Variants in RAB2A observed in about 807,000 individuals in gnomAD.
RAB2A encodes ras-related protein Rab-2A.
In RAB2A, 7 loss-of-function variants were observed where a neutral mutation model predicts 32.5. The ratio of observed to expected loss-of-function variants is 0.22; its 90% CI spans 0.12 to 0.40. The LOEUF is 0.40. Among genes scored for constraint, RAB2A ranks in the 10% least tolerant of loss-of-function variants. The probability of loss-of-function intolerance (pLI) is 1.00; values close to 1 mark genes in which losing one functional copy is unlikely to be tolerated. For missense variants in RAB2A, 108 were observed against 260.7 expected (o/e 0.41, Z 4.03); for synonymous variants, 79 against 85.2 (o/e 0.93, Z 0.40).
Position 60,600,066 on chromosome 8 carries a change from T to TAAA in RAB2A, c.474+8109_474+8111dup, listed in dbSNP as rs36105307. ...AGTGTTGAGTAATTTTACTCGGTAG[T>TAAA]AAAAAAAAAAAAAACAATGCAATTA... On this transcript the variant is annotated intron_variant, in intron 6 of 7. Coordinates refer to ENST00000262646, the MANE Select transcript of RAB2A (RefSeq NM_002865.3). Among the ~76,000 whole-genome samples, 271 of 139,902 alleles carry TAAA rather than the reference T, an allele frequency of 1.9e-3. 1 individual carries two copies. Among genetic ancestry groups the TAAA allele is most frequent in the African/African-American group, 5.4e-3 (210 of 39,230 alleles). The allele number at this position is 139,902 out of a possible 152,430, so 91.8% of individuals were successfully genotyped here.
intron 6 of RAB2A, among the ~76,000 whole-genome samples, chr8:60,596,520 AT>A (rs1804031365): frequency 2.0e-5 from 3 of 152,264 alleles, no homozygotes; most frequent in Non-Finnish European, 4.4e-5. Flanking sequence ...GAAGACATTT[AT>A]GCGGCCAACA....
In RAB2A at chr8:60,617,392, A is replaced by G. The variant is rs535241054; in HGVS notation, c.475-1188A>G. On this transcript the variant is annotated intron_variant, in intron 6 of 7. Transcript: ENST00000262646. ...TACTAAATAATACATTATCATGGCAAAAAAGGCCCTGAGTGGAACTGTATT... is the reference window on the plus strand; with the variant it reads ...TACTAAATAATACATTATCATGGCAGAAAAGGCCCTGAGTGGAACTGTATT... Among the ~76,000 whole-genome samples, 4 of 152,276 alleles carry G rather than the reference A, an allele frequency of 2.6e-5. No homozygotes were observed. In the South Asian group the frequency reaches 8.3e-4, roughly 32 times the overall value.
At chr8:60,607,971 T>G (rs1382650786) in intron 6 of RAB2A, among the ~76,000 whole-genome samples, 2 of 152,236 alleles carry the variant, frequency 1.3e-5, no homozygotes, top group Non-Finnish European at 2.9e-5. Flanking sequence ...TCCTTCTGGC[T>G]TCTATTAAGA....
chr8:60,603,203 A>G (rs1468807157), intron 6 of RAB2A, among the ~76,000 whole-genome samples: 4 of 152,194 alleles, frequency 2.6e-5, no homozygotes, highest in African/African-American at 4.8e-5. Context: ...GATTTTTTAG[A>G]CTATTATTAT....
At chr8:60,558,363 T>G (rs1185220618) in intron 1 of RAB2A, 3 of 469,306 alleles carry the variant, frequency 6.4e-6, no homozygotes, top group African/African-American at 5.9e-5. Flanking sequence ...GCAATTCAGA[T>G]TCCATTTGCT....
At chr8:60,523,641 A>G (rs918542374) in intron 1 of RAB2A, among the ~76,000 whole-genome samples, 2 of 150,714 alleles carry the variant, frequency 1.3e-5, no homozygotes, top group Admixed American at 6.6e-5. Flanking sequence ...GAGCTGAAAC[A>G]TATCTTTTAA....
intron 6 of RAB2A, among the ~76,000 whole-genome samples, chr8:60,605,282 T>C (rs911878386): frequency 6.6e-6 from 1 of 152,184 alleles, no homozygotes; most frequent in Admixed American, 6.5e-5. Context: ...TTTCAGAGAA[T>C]GTATGGAAAA....
Position 60,525,987 on chromosome 8 carries a change from A to C in RAB2A, c.46+8734A>C, listed in dbSNP as rs537677739. Among the ~76,000 whole-genome samples the C allele has an allele frequency of 6.2e-4, 89 of 143,436 alleles. 1 individual carries two copies. The highest frequency in any genetic ancestry group is 3.8e-3 in the East Asian group (19 of 4,964). The allele number at this position is 143,436 out of a possible 152,430, so 94.1% of individuals were successfully genotyped here. On this transcript the variant is annotated intron_variant, in intron 1 of 7. Transcript: ENST00000262646. ...TATATATGTCTATATGTCTATATGTATATATGTCTATATGTATATATGTGT... is the reference window on the plus strand; with the variant it reads ...TATATATGTCTATATGTCTATATGTCTATATGTCTATATGTATATATGTGT...
chr8:60,548,493 G>T (rs1807780934), intron 1 of RAB2A, among the ~76,000 whole-genome samples: 1 of 67,224 alleles, frequency 1.5e-5, no homozygotes, highest in Non-Finnish European at 2.5e-5. Flanking sequence ...TTCCCGGACG[G>T]GGCGGCTGGC....
chr8:60,528,815 TCCTC>T (rs1460361816), intron 1 of RAB2A, among the ~76,000 whole-genome samples: 1 of 152,136 alleles, frequency 6.6e-6, no homozygotes, highest in African/African-American at 2.4e-5. Flanking sequence ...CCTCAAGTGA[TCCTC>T]CCGCCTCAGC....
intron 1 of RAB2A, among the ~76,000 whole-genome samples, chr8:60,525,073 G>T (rs554699091): frequency 1.3e-5 from 2 of 152,298 alleles, no homozygotes; most frequent in East Asian, 3.9e-4. Flanking sequence ...TGGAGAAACT[G>T]AGTTGTGTCA....
At chr8:60,581,738 G>T (rs1803754045) in intron 3 of RAB2A, among the ~76,000 whole-genome samples, 2 of 152,008 alleles carry the variant, frequency 1.3e-5, no homozygotes, top group South Asian at 4.1e-4. Flanking sequence ...GGGAACAGTG[G>T]CCCACACCTG....
chr8:60,536,982 G>A (rs1280525374), intron 1 of RAB2A, among the ~76,000 whole-genome samples: 1 of 152,116 alleles, frequency 6.6e-6, no homozygotes, highest in African/African-American at 2.4e-5. Flanking sequence ...AAAGAGAATA[G>A]AAGTGTTCCA....
At chr8:60,558,997 TCTA>T (rs1807980117) in intron 2 of RAB2A, 74 bp downstream of exon 2, 1 of 1,050,276 alleles carries the variant, frequency 9.5e-7, no homozygotes, top group Admixed American at 1.9e-5. Context: ...GAAGGTCCAT[TCTA>T]CTAGTGATGA....
chr8:60,533,839 G>A (rs1193766966), intron 1 of RAB2A, among the ~76,000 whole-genome samples: 3 of 152,062 alleles, frequency 2.0e-5, no homozygotes, highest in African/African-American at 4.8e-5. Context: ...GCGTGGTGGT[G>A]GGTGCCTGTA....
chr8:60,549,256 G>A (rs1480174246), intron 1 of RAB2A, among the ~76,000 whole-genome samples: 1 of 152,232 alleles, frequency 6.6e-6, no homozygotes, highest in African/African-American at 2.4e-5. Flanking sequence ...GGCAGAGGCT[G>A]CAATCTTGGC....
chr8:60,599,117 G>A (rs986667611), intron 6 of RAB2A, among the ~76,000 whole-genome samples: 4 of 151,872 alleles, frequency 2.6e-5, no homozygotes, highest in East Asian at 1.9e-4. Flanking sequence ...AAAATCAATC[G>A]TATTTCTATG....
chr8:60,594,153 A>G (rs1190211657), intron 6 of RAB2A, among the ~76,000 whole-genome samples: 1 of 152,212 alleles, frequency 6.6e-6, no homozygotes, highest in Non-Finnish European at 1.5e-5. Flanking sequence ...AGCTGACGTT[A>G]TATGATGCAT....
chr8:60,612,565 T>G (rs993186903), intron 6 of RAB2A, among the ~76,000 whole-genome samples: 5 of 152,354 alleles, frequency 3.3e-5, no homozygotes, highest in Middle Eastern at 3.4e-3. Context: ...AAAATTCCTT[T>G]GACTTGTATT....
Sources: gnomAD v4.1 joint callset for allele counts (sites outside exome capture counted in the v4.1 genomes callset) on GRCh38, gnomAD v4.1.1 for gene constraint, MANE v1.5 for transcripts, NCBI Gene and HGNC (gene_info 2026-07-23, HGNC 2026-07-21) for gene names.